The following GALNT2 variants were observed in gnomAD, a reference collection of about 807,000 sequenced individuals.
GALNT2 encodes the protein polypeptide N-acetylgalactosaminyltransferase 2.
In GALNT2, 31 loss-of-function variants were observed where a neutral mutation model predicts 81.4. That is an observed-to-expected ratio of 0.38 (90% confidence interval 0.29 to 0.51). The LOEUF is 0.51. GALNT2 is among the 20% of genes least tolerant of loss of function. GALNT2 has a pLI of 0.87. For synonymous variants in GALNT2, 303 were observed against 287.4 expected, an observed-to-expected ratio of 1.05 and a Z score of -0.55; for missense variants, 629 against 765.7, an observed-to-expected ratio of 0.82 and a Z score of 2.11.
chr1:230,197,837 A>G (rs752959424), intron 2 of GALNT2, among the ~76,000 whole-genome samples: 23 of 152,192 alleles, frequency 1.5e-4, no homozygotes, highest in Middle Eastern at 3.4e-3. Flanking sequence ...CTTATCAGTG[A>G]CACAGCATTG....
chr1:230,192,132 G>A (rs1379814286), intron 2 of GALNT2, among the ~76,000 whole-genome samples: 1 of 152,232 alleles, frequency 6.6e-6, no homozygotes, highest in East Asian at 1.9e-4. Context: ...GAACTGCACA[G>A]GCATGCAGGG....
rs748654828 is a variant in GALNT2 at position 230,203,218 on chromosome 1, G to A, written c.302G>A (p.Arg101His). Residue 101 changes from arginine (R) to histidine (H), a missense_variant, in exon 3 of 16, where the codon CGC (arginine) becomes CAC (histidine). By Grantham distance (29) the Arg-to-His change is conservative. Coordinates refer to ENST00000366672, the MANE Select transcript of GALNT2 (RefSeq NM_004481.5). ...CGCTCCGGGCAGGACCCTTACGCCC[G>A]CAACAAGTTCAACCAGGTGGAGAGT... ...MVRSGQDPYA[R>H]NKFNQVESDK... 16 of 1,614,042 alleles carry A rather than the reference G, an allele frequency of 9.9e-6. No individual in the cohort carries two copies. Among genetic ancestry groups the A allele is most frequent in the Non-Finnish European group, 1.2e-5 (14 of 1,180,032 alleles).
At chr1:230,265,109 G>A (rs867952458) in intron 13 of GALNT2, 132 bp from the exon 14 acceptor site, 2 of 1,167,886 alleles carry the variant, frequency 1.7e-6, no homozygotes, top group South Asian at 1.4e-5. Context: ...GGTAGGAAGA[G>A]GCACGATGCC....
chr1:230,236,484 G>T (rs1006615013), intron 5 of GALNT2, 64 bp downstream of exon 5: 16 of 1,548,066 alleles, frequency 1.0e-5, no homozygotes, highest in African/African-American at 4.1e-5. Context: ...TCTTCCTGTA[G>T]TGGGGGTGCT....
At chr1:230,244,661 A>T (rs1356991903) in intron 7 of GALNT2, among the ~76,000 whole-genome samples, 1 of 152,208 alleles carries the variant, frequency 6.6e-6, no homozygotes, top group Non-Finnish European at 1.5e-5. Context: ...AGAAAGTGCC[A>T]AGCCTATTAA....
intron 8 of GALNT2, among the ~76,000 whole-genome samples, chr1:230,247,038 A>C (rs1172257481): frequency 1.3e-5 from 2 of 151,750 alleles, no homozygotes; most frequent in Non-Finnish European, 1.5e-5. Context: ...CCAGGAGTTC[A>C]AGACCAGCCT....
chr1:230,175,249 A>G (rs555868069), intron 1 of GALNT2, among the ~76,000 whole-genome samples: 18 of 152,280 alleles, frequency 1.2e-4, no homozygotes, highest in Non-Finnish European at 2.1e-4. Flanking sequence ...GGTTAGTACA[A>G]TGTCTTAATT....
intron 1 of GALNT2, among the ~76,000 whole-genome samples, chr1:230,089,440 G>A (rs755696874): frequency 1.1e-4 from 16 of 151,990 alleles, no homozygotes; most frequent in Non-Finnish European, 1.9e-4. Context: ...GGTGTGAGCC[G>A]CAGTGCCCAT....
chr1:230,203,950 G>C (rs1411916807), intron 3 of GALNT2, among the ~76,000 whole-genome samples: 2 of 149,294 alleles, frequency 1.3e-5, no homozygotes, highest in East Asian at 4.0e-4. Context: ...TCAGCCTCCT[G>C]AGTAGCTAGG....
At chr1:230,063,342 T>A (rs1659093612), upstream of GALNT2, among the ~76,000 whole-genome samples, 1 of 151,998 alleles carries the variant, frequency 6.6e-6, no homozygotes, top group Non-Finnish European at 1.5e-5. Flanking sequence ...ATAATAGCTA[T>A]CCTAATGGAT....
At chr1:230,096,546 T>A (rs1406564862) in intron 1 of GALNT2, among the ~76,000 whole-genome samples, 1 of 152,182 alleles carries the variant, frequency 6.6e-6, no homozygotes, top group East Asian at 1.9e-4. Context: ...AAGGTTTGTG[T>A]TTCATCACCA....
At position 230,086,308 on chromosome 1, in the gene GALNT2, G is replaced by GA. The variant is rs575765030; in HGVS notation, c.126+18903dup. 3.1e-4 allele frequency among the ~76,000 whole-genome samples: 47 copies of GA among 152,304 alleles called. No homozygotes were observed. In the East Asian group the frequency reaches 4.8e-3, roughly 16 times the overall value. Reference sequence around the variant, plus strand: ...ACAGCACGTTGCTCAGCTCTGGGCTGAGAGGTGGTTAGTTCAGCCTGACGA... The same window carrying GA: ...ACAGCACGTTGCTCAGCTCTGGGCTGAAGAGGTGGTTAGTTCAGCCTGACGA... On this transcript the variant is annotated intron_variant, in intron 1 of 15. Transcript: ENST00000366672.
Position 230,232,466 on chromosome 1 carries a change from G to C in GALNT2, c.375-3548G>C, listed in dbSNP as rs572121732. On this transcript the variant is annotated intron_variant, in intron 3 of 15. Coordinates refer to ENST00000366672, the MANE Select transcript of GALNT2 (RefSeq NM_004481.5). The stretch of plus-strand genomic sequence containing the variant: ...CAGAGAAAAGGAAACCGAGAGAATA[G>C]GACATGATTGGATCGGTTCCGTTTA... Among the ~76,000 whole-genome samples, 6 of 152,282 alleles carry C rather than the reference G, an allele frequency of 3.9e-5. No individual in the cohort carries two copies. In the East Asian group the frequency reaches 1.2e-3, roughly 29 times the overall value.
At position 230,217,756 on chromosome 1, in the gene GALNT2, A is replaced by G. The variant is rs146628503; in HGVS notation, c.374+14466A>G. 1.0e-3 allele frequency among the ~76,000 whole-genome samples: 154 copies of G among 152,314 alleles called. 1 individual carries two copies. Among genetic ancestry groups the G allele is most frequent in the Non-Finnish European group, 1.9e-3 (130 of 68,024 alleles). On this transcript the variant is annotated intron_variant, in intron 3 of 15. Transcript: ENST00000366672. The stretch of plus-strand genomic sequence containing the variant: ...GAGGGGACAAATGCTGTATCCTCAC[A>G]TGGCAGAAGGCAGAAAGGCAAAAAA...
rs769797981 is a variant in GALNT2, at chr1:230,101,306, A to G, written c.126+33900A>G. Among the ~76,000 whole-genome samples the G allele has an allele frequency of 5.4e-4, 83 of 152,322 alleles. 1 individual carries two copies. Among genetic ancestry groups the G allele is most frequent in the Non-Finnish European group, 1.1e-3 (75 of 68,030 alleles). The stretch of plus-strand genomic sequence containing the variant: ...CCTCATTGTAATTCTGGCTTTTTCC[A>G]TAAATGTTAAACAAGCATCTTCTCC... On this transcript the variant is annotated intron_variant, in intron 1 of 15. Transcript: ENST00000366672.
chr1:230,082,934 G>GGAGCTGGGATGATGGAGCA (rs1659780893), intron 1 of GALNT2, among the ~76,000 whole-genome samples: 1 of 151,856 alleles, frequency 6.6e-6, no homozygotes, highest in Admixed American at 6.6e-5. Flanking sequence ...GATGGAGCCG[G>GGAGCTGGGATGATGGAGCA]GAGCTGGGAT....
chr1:230,163,979 C>G (rs1290110632), intron 1 of GALNT2, among the ~76,000 whole-genome samples: 1 of 152,174 alleles, frequency 6.6e-6, no homozygotes, highest in South Asian at 2.1e-4. Context: ...TGATGTGACA[C>G]TGGATACACT....
intron 11 of GALNT2, chr1:230,262,196 C>T (rs548772070): frequency 1.6e-5 from 3 of 187,022 alleles, no homozygotes; most frequent in Admixed American, 1.1e-4. Flanking sequence ...GTGGCCCCGG[C>T]CCTCTGTGGA....
At position 230,227,897 on chromosome 1, in the gene GALNT2, T is replaced by C. The variant is rs540898011; in HGVS notation, c.375-8117T>C. Among the ~76,000 whole-genome samples the C allele has an allele frequency of 9.9e-5, 15 of 152,272 alleles. 1 individual carries two copies. In the South Asian group the frequency reaches 2.7e-3, roughly 27 times the overall value. On this transcript the variant is annotated intron_variant, in intron 3 of 15. Transcript: ENST00000366672. Reference sequence around the variant, plus strand: ...GCCATAATCACTGCCATCTTAAGAATTGCAAGATGTGTAACGAATGGAAAG... The same window carrying C: ...GCCATAATCACTGCCATCTTAAGAACTGCAAGATGTGTAACGAATGGAAAG...
Sources: gnomAD v4.1 joint callset for allele counts (sites outside exome capture counted in the v4.1 genomes callset) on GRCh38, gnomAD v4.1.1 for gene constraint, MANE v1.5 for transcripts, NCBI Gene and HGNC (gene_info 2026-07-23, HGNC 2026-07-21) for gene names.